CZIB: variants seen among roughly 807,000 people sequenced by gnomAD.
CZIB encodes the protein UPF0587 protein C1orf123.
A neutral mutation model predicts 28.3 loss-of-function variants in CZIB; 26 were observed. The ratio of observed to expected loss-of-function variants is 0.92; its 90% CI spans 0.67 to 1.27. The LOEUF is 1.27. Ranked by LOEUF, CZIB falls within the 50% of genes most tolerant of loss-of-function variation. The pLI is 0.00. For synonymous variants in CZIB, 78 were observed against 71.1 expected, an observed-to-expected ratio of 1.10 and a Z score of -0.49; for missense variants, 179 against 197.3, an observed-to-expected ratio of 0.91 and a Z score of 0.56.
chr1:53,219,275 T>C (rs1645502330), intron 2 of CZIB: 3 of 321,876 alleles, frequency 9.3e-6, no homozygotes, highest in Non-Finnish European at 1.2e-5. Context: ...GAATAAGTTC[T>C]AGTGTTCTAT....
chr1:53,219,255 T>G, intron 2 of CZIB: 1 of 339,284 alleles, frequency 2.9e-6, no homozygotes, highest in Middle Eastern at 9.1e-4. Flanking sequence ...AAATTACAGC[T>G]ATATGGGAGG....
intron 5 of CZIB, 197 bp from the exon 6 acceptor site, chr1:53,217,056 TGGA>T: frequency 1.8e-6 from 1 of 547,772 alleles, no homozygotes; most frequent in Non-Finnish European, 3.3e-6. Context: ...ACAGCAGACA[TGGA>T]GGCTGCAGAA....
At chr1:53,218,124 A>G (rs1645485307) in intron 5 of CZIB, 48 bp downstream of exon 5, 2 of 1,596,426 alleles carry the variant, frequency 1.3e-6, no homozygotes, top group Non-Finnish European at 1.7e-6. Context: ...TACTAACTCC[A>G]GTTAGGATTT....
At chr1:53,216,966 G>A in intron 5 of CZIB, 107 bp from the exon 6 acceptor site, 1 of 944,674 alleles carries the variant, frequency 1.1e-6, no homozygotes, top group South Asian at 1.4e-5. Flanking sequence ...TGGAGGCCTA[G>A]TATGAGACCC....
At chr1:53,219,193 G>A in intron 2 of CZIB, 1 of 453,176 alleles carries the variant, frequency 2.2e-6, no homozygotes, top group Non-Finnish European at 3.9e-6. Flanking sequence ...TGCAGAAATG[G>A]TTTCAGCGGA....
In CZIB at chr1:53,214,634, A is replaced by C; in HGVS notation, c.*25T>G. The C allele has an allele frequency of 6.2e-7, 1 of 1,606,262 alleles. No homozygotes were observed. Among genetic ancestry groups the C allele is most frequent in the East Asian group, 2.2e-5 (1 of 44,850 alleles). On this transcript the variant is annotated 3_prime_UTR_variant, in exon 8 of 8. Coordinates refer to ENST00000294360, the MANE Select transcript of CZIB (RefSeq NM_017887.3). The stretch of plus-strand genomic sequence containing the variant: ...AGTACTTTGTCCTTTCTCAGTTCTT[A>C]AGGGCAACTGGGAAGGAAGAGGGAT...
At chr1:53,218,381 C>T in intron 4 of CZIB, 33 bp downstream of exon 4, 1 of 1,613,046 alleles carries the variant, frequency 6.2e-7, no homozygotes, top group Non-Finnish European at 8.5e-7. Flanking sequence ...GTGGGCCACC[C>T]TGGCAGAACT....
intron 2 of CZIB, chr1:53,219,208 A>G (rs1164627838): frequency 7.5e-6 from 3 of 401,200 alleles, no homozygotes; most frequent in Non-Finnish European, 8.9e-6. Flanking sequence ...AGCGGAGGTG[A>G]GGGGGGGGAA....
intron 5 of CZIB, 94 bp downstream of exon 5, chr1:53,218,078 T>C: frequency 7.6e-7 from 1 of 1,308,902 alleles, no homozygotes; most frequent in Non-Finnish European, 1.1e-6. Flanking sequence ...CTATGGCAGG[T>C]CACTCTGATG....
chr1:53,218,168 T>A lies in CZIB; in HGVS notation c.261+4A>T, dbSNP rs1318833852. ...CATCCCTGCCACTACAGCAGCAAAC[T>A]TACATTGTAAGGCTTGATGGTGCTG... On this transcript the variant is annotated splice_donor_region_variant and intron_variant, in intron 5 of 7. Coordinates refer to ENST00000294360, the MANE Select transcript of CZIB (RefSeq NM_017887.3). 5 of 1,614,024 alleles carry A rather than the reference T, an allele frequency of 3.1e-6. No individual in the cohort carries two copies. The South Asian group carries it at 5.5e-5, about 18-fold the overall frequency.
At chr1:53,218,768 A>C in intron 3 of CZIB, 99 bp downstream of exon 3, 1 of 1,247,292 alleles carries the variant, frequency 8.0e-7, no homozygotes, top group Non-Finnish European at 1.2e-6. Flanking sequence ...CAGGGAGCAA[A>C]GAACTGGAGA....
intron 2 of CZIB, chr1:53,219,421 C>T (rs1408950273): frequency 6.2e-6 from 1 of 161,644 alleles, no homozygotes; most frequent in Non-Finnish European, 1.4e-5. Flanking sequence ...CAATACATTA[C>T]ATTTATCGGA....
At position 53,217,830 on chromosome 1, in the gene CZIB, T is replaced by C. The variant is rs548929529; in HGVS notation, c.261+342A>G. ...AACACTGATGATATAAAGGATGGGA[T>C]GCACCAAACGACTACCCCACCCATG... On this transcript the variant is annotated intron_variant, in intron 5 of 7. Coordinates refer to ENST00000294360, the MANE Select transcript of CZIB (RefSeq NM_017887.3). 5 of 303,422 alleles carry C rather than the reference T, an allele frequency of 1.6e-5. No homozygotes were observed. The South Asian group carries it at 2.7e-4, about 16-fold the overall frequency. The allele number at this position is 303,422 out of a possible 1,614,324, so 18.8% of individuals were successfully genotyped here.
chr1:53,218,819 T>G, intron 3 of CZIB, 48 bp downstream of exon 3: 24 of 1,504,520 alleles, frequency 1.6e-5, no homozygotes, highest in Non-Finnish European at 2.0e-5. Flanking sequence ...CAGAAGTGTA[T>G]GTGTGTTTGT....
rs1645453744 is a variant in CZIB at position 53,214,350 on chromosome 1, T to G, written c.*309A>C. The G allele has an allele frequency of 6.7e-6, 2 of 296,918 alleles. No individual in the cohort carries two copies. Among genetic ancestry groups the G allele is most frequent in the African/African-American group, 4.2e-5 (2 of 47,530 alleles). 18.4% of individuals were successfully genotyped at this position (296,918 alleles called of 1,614,324 possible). A position where few individuals can be genotyped will look rare whatever the true frequency, so the allele number is the denominator to read the frequency against. Reference sequence around the variant, plus strand: ...CGGTTTCATCTCTGTAAACTTGCCCTTGACTGGGGAGATACCATCTCCTTA... The same window carrying G: ...CGGTTTCATCTCTGTAAACTTGCCCGTGACTGGGGAGATACCATCTCCTTA... On this transcript the variant is annotated 3_prime_UTR_variant, in exon 8 of 8. Transcript: ENST00000294360.
chr1:53,217,084 G>C (rs552208308), intron 5 of CZIB: 2 of 492,708 alleles, frequency 4.1e-6, no homozygotes, highest in East Asian at 6.8e-5. Flanking sequence ...GTGGATGCTG[G>C]GGTCAACCTG....
At chr1:53,219,048 C>T (rs1343156009) in intron 2 of CZIB, 125 bp from the exon 3 acceptor site, 3 of 787,970 alleles carry the variant, frequency 3.8e-6, no homozygotes, top group Non-Finnish European at 6.6e-6. Context: ...TCACTTCATC[C>T]CTAACACCTG....
chr1:53,218,701 T>C (rs1164878149), intron 3 of CZIB, 166 bp downstream of exon 3: 6 of 789,488 alleles, frequency 7.6e-6, no homozygotes, highest in Non-Finnish European at 1.0e-5. Flanking sequence ...ACCTCAAAGA[T>C]GCCTATTGAA....
chr1:53,214,323 C>A lies in CZIB; in HGVS notation c.*336G>T. ...CTGGCTCATTGAGTGATGGTGGGAT[C>A]GCGGTTTCATCTCTGTAAACTTGCC... On this transcript the variant is annotated 3_prime_UTR_variant, in exon 8 of 8. Transcript: ENST00000294360. 4.1e-6 allele frequency: 1 copy of A among 244,170 alleles called. No individual in the cohort carries two copies. The highest frequency in any genetic ancestry group is 2.2e-5 in the African/African-American group (1 of 45,566). The allele number at this position is 244,170 out of a possible 1,614,324, so 15.1% of individuals were successfully genotyped here.
Sources: allele counts gnomAD v4.1 joint callset, GRCh38; gene constraint gnomAD v4.1.1; transcripts MANE v1.5; gene names NCBI Gene and HGNC (gene_info 2026-07-23, HGNC 2026-07-21).